The following AGBL1 variants were observed in gnomAD, a reference collection of about 807,000 sequenced individuals.
AGBL1 encodes the protein AGBL carboxypeptidase 1.
Under a neutral mutation model 118.9 loss-of-function variants are expected in AGBL1, and 130 were observed. That is an observed-to-expected ratio of 1.09 (90% CI 0.95 to 1.26). The LOEUF (loss-of-function observed/expected upper bound fraction) is 1.26. Ranked by LOEUF, AGBL1 falls within the 50% of genes most tolerant of loss-of-function variation. The pLI, the probability that AGBL1 is intolerant of heterozygous loss-of-function variation, is 0.00. For missense variants in AGBL1, 1,584 were observed against 1,298.1 expected (o/e 1.22, Z -3.38); for synonymous variants, 555 against 478.9 (o/e 1.16, Z -2.08).
At chr15:86,817,440 A>AGT (rs1340753529) in intron 22 of AGBL1, among the ~76,000 whole-genome samples, 4 of 148,600 alleles carry the variant, frequency 2.7e-5, no homozygotes, top group Non-Finnish European at 4.4e-5. Context: ...AAATAAGGCA[A>AGT]GTGTGTGTGT....
chr15:86,897,750 C>G lies in AGBL1; in HGVS notation c.3159-9337C>G, dbSNP rs562616946. Among the ~76,000 whole-genome samples the G allele has an allele frequency of 1.4e-3, 196 of 139,818 alleles. 1 individual carries two copies. The highest frequency in any genetic ancestry group is 4.6e-3 in the African/African-American group (171 of 37,452). 91.7% of individuals were successfully genotyped at this position (139,818 alleles called of 152,430 possible). The stretch of plus-strand genomic sequence containing the variant: ...TTTCTTGAACTATGATAATTTACTC[C>G]TTTCATCTTTTATCTTTTTTTTTTT... On this transcript the variant is annotated intron_variant, in intron 22 of 22. Transcript: ENST00000614907.
At chr15:86,815,697 C>T (rs2141375950) in intron 22 of AGBL1, among the ~76,000 whole-genome samples, 1 of 151,908 alleles carries the variant, frequency 6.6e-6, no homozygotes, top group African/African-American at 2.4e-5. Flanking sequence ...TGAGGGGTCT[C>T]CAATCTTTCT....
At chr15:86,636,295 A>C (rs2142452503) in intron 21 of AGBL1, among the ~76,000 whole-genome samples, 1 of 152,206 alleles carries the variant, frequency 6.6e-6, no homozygotes, top group East Asian at 1.9e-4. Context: ...CTTAATAAAT[A>C]TATCTCCACT....
intron 5 of AGBL1, among the ~76,000 whole-genome samples, chr15:86,220,728 C>T (rs2078267482): frequency 6.6e-6 from 1 of 152,150 alleles, no homozygotes; most frequent in South Asian, 2.1e-4. Flanking sequence ...GCAAGATGTT[C>T]TGCAAAAATT....
chr15:86,359,387 C>CTTTTTTTTTTTTTT (rs56189861), intron 17 of AGBL1, among the ~76,000 whole-genome samples: 6 of 93,806 alleles, frequency 6.4e-5, no homozygotes, highest in African/African-American at 1.2e-4. Context: ...TATTGGTTTT[C>CTTTTTTTTTTTTTT]TTTTTTTTTT....
At chr15:86,712,062 A>T (rs576313488) in intron 22 of AGBL1, among the ~76,000 whole-genome samples, 13 of 152,124 alleles carry the variant, frequency 8.5e-5, no homozygotes, top group Admixed American at 2.6e-4. Context: ...TCTGAGCTCA[A>T]ATTCACCCCT....
chr15:86,080,345 A>G (rs770399470), intron 1 of AGBL1: 4 of 215,794 alleles, frequency 1.9e-5, no homozygotes, highest in Non-Finnish European at 3.6e-5. Context: ...GGACCTGTTG[A>G]GGCTCCTCCT....
intron 5 of AGBL1, among the ~76,000 whole-genome samples, chr15:86,171,542 T>C (rs2077415379): frequency 6.6e-6 from 1 of 152,108 alleles, no homozygotes; most frequent in African/African-American, 2.4e-5. Flanking sequence ...AAACATTCAA[T>C]TCATCCAAAA....
At chr15:86,746,117 GA>G (rs889054848) in intron 22 of AGBL1, among the ~76,000 whole-genome samples, 1 of 151,954 alleles carries the variant, frequency 6.6e-6, no homozygotes, top group Non-Finnish European at 1.5e-5. Flanking sequence ...TCCCTTCCCT[GA>G]AGTCTGTTCA....
chr15:86,148,226 C>T (rs879337903), intron 3 of AGBL1, among the ~76,000 whole-genome samples: 5 of 152,168 alleles, frequency 3.3e-5, no homozygotes, highest in Non-Finnish European at 5.9e-5. Flanking sequence ...CTCTTCTCTT[C>T]CAAAGGATTG....
rs998218250 is a variant in AGBL1 at position 86,617,787 on chromosome 15, C to T, written c.2995-56486C>T. ...ACACACACACACACACACACACACA[C>T]ACACACAGCCAGCCAGAGCGAGAGA... is the stretch of plus-strand genomic sequence containing the variant. On this transcript the variant is annotated intron_variant, in intron 21 of 22. Transcript: ENST00000614907. Among the ~76,000 whole-genome samples, 153 of 151,986 alleles carry T rather than the reference C, an allele frequency of 1.0e-3. 2 individuals carry two copies. Among genetic ancestry groups the T allele is most frequent in the Non-Finnish European group, 1.7e-3 (118 of 67,936 alleles).
At chr15:86,197,847 T>C (rs1453857769) in intron 5 of AGBL1, among the ~76,000 whole-genome samples, 1 of 151,978 alleles carries the variant, frequency 6.6e-6, no homozygotes, top group Admixed American at 6.6e-5. Flanking sequence ...TCTTGGATGC[T>C]TCAGGACAGA....
At chr15:86,720,685 G>A (rs1412281790) in intron 22 of AGBL1, among the ~76,000 whole-genome samples, 1 of 152,136 alleles carries the variant, frequency 6.6e-6, no homozygotes, top group African/African-American at 2.4e-5. Flanking sequence ...AATGTCAGGG[G>A]TGAGTATACC....
chr15:86,181,273 C>T (rs1354522855), intron 5 of AGBL1, among the ~76,000 whole-genome samples: 3 of 152,070 alleles, frequency 2.0e-5, no homozygotes, highest in Non-Finnish European at 4.4e-5. Flanking sequence ...ACAATCCTTA[C>T]ATGTATCAAG....
chr15:86,715,186 G>C (rs1228178982), intron 22 of AGBL1, among the ~76,000 whole-genome samples: 1 of 152,202 alleles, frequency 6.6e-6, no homozygotes, highest in East Asian at 1.9e-4. Context: ...TGTTCTGCTA[G>C]GTCTGAAGTC....
At chr15:86,251,672 T>C (rs376144360) in intron 7 of AGBL1, among the ~76,000 whole-genome samples, 3 of 152,292 alleles carry the variant, frequency 2.0e-5, no homozygotes, top group East Asian at 3.9e-4. Flanking sequence ...GAGTCTCACG[T>C]TTCTGCACAG....
chr15:86,921,830 C>G (rs1470788103), intron 23 of AGBL1, among the ~76,000 whole-genome samples: 3 of 152,112 alleles, frequency 2.0e-5, no homozygotes, highest in African/African-American at 7.2e-5. Flanking sequence ...AAAGAGCACA[C>G]GTTTCCCCAG....
intron 5 of AGBL1, among the ~76,000 whole-genome samples, chr15:86,160,434 C>A (rs1049997292): frequency 2.6e-5 from 4 of 152,314 alleles, no homozygotes; most frequent in African/African-American, 4.8e-5. Context: ...CTTCTCCCCC[C>A]ACTTCCTGGG....
At chr15:86,600,723 C>T (rs1368939971) in intron 21 of AGBL1, among the ~76,000 whole-genome samples, 1 of 152,104 alleles carries the variant, frequency 6.6e-6, no homozygotes, top group Non-Finnish European at 1.5e-5. Context: ...CTTTTCCTAC[C>T]CTTACCCTCA....
Sources: gnomAD v4.1 joint callset for allele counts (sites outside exome capture counted in the v4.1 genomes callset) on GRCh38, gnomAD v4.1.1 for gene constraint, MANE v1.5 for transcripts, NCBI Gene and HGNC (gene_info 2026-07-23, HGNC 2026-07-21) for gene names.